XPO4: variants seen among roughly 807,000 people sequenced by gnomAD.
The protein encoded by XPO4 is exportin-4.
Under a neutral mutation model 143.0 loss-of-function variants are expected in XPO4, and 39 were observed. The ratio of observed to expected loss-of-function variants is 0.27; its 90% CI spans 0.21 to 0.36. The LOEUF is 0.36. XPO4 is among the 10% of genes least tolerant of loss of function. XPO4 has a pLI of 1.00. For synonymous variants in XPO4, 439 were observed against 474.0 expected, an observed-to-expected ratio of 0.93 and a Z score of 0.96; for missense variants, 907 against 1,348.0, an observed-to-expected ratio of 0.67 and a Z score of 5.12.
intron 1 of XPO4, among the ~76,000 whole-genome samples, chr13:20,888,076 G>A (rs1200231568): frequency 6.6e-6 from 1 of 151,114 alleles, no homozygotes; most frequent in Non-Finnish European, 1.5e-5. Context: ...TCGGGAGGCT[G>A]AGGCAGGAGA....
chr13:20,848,067 T>C (rs2060045391), intron 4 of XPO4: 1 of 278,642 alleles, frequency 3.6e-6, no homozygotes. Context: ...CAGATCCCAA[T>C]GCTTGTTGAT....
chr13:20,852,154 T>C (rs2060095972), intron 4 of XPO4: 1 of 985,420 alleles, frequency 1.0e-6, no homozygotes, highest in Non-Finnish European at 1.2e-6. Flanking sequence ...ATCACCAAAC[T>C]AACAAGGGAA....
intron 2 of XPO4, chr13:20,863,065 C>T: frequency 7.9e-7 from 1 of 1,264,126 alleles, no homozygotes; most frequent in Non-Finnish European, 1.0e-6. Context: ...AATCACCGAT[C>T]ACAATTTTCA....
rs1051091763 is a variant in XPO4 at position 20,865,308 on chromosome 13, T to C, written c.176-2450A>G. ...CATGTGCCACCACACCGGCTAATTTTGTATTTTTAGTAGAGACAGGGTTTT... is the reference window on the plus strand; with the variant it reads ...CATGTGCCACCACACCGGCTAATTTCGTATTTTTAGTAGAGACAGGGTTTT... On this transcript the variant is annotated intron_variant, in intron 2 of 22. Transcript: ENST00000255305. 2.8e-5 allele frequency: 6 copies of C among 214,248 alleles called. No individual in the cohort carries two copies. In the East Asian group the frequency reaches 7.4e-4, roughly 26 times the overall value. 13.3% of individuals were successfully genotyped at this position (214,248 alleles called of 1,614,324 possible).
intron 18 of XPO4, among the ~76,000 whole-genome samples, chr13:20,792,919 C>A (rs1395851970): frequency 6.6e-6 from 1 of 151,838 alleles, no homozygotes; most frequent in Non-Finnish European, 1.5e-5. Context: ...TCCTGAGTAG[C>A]TGGGATTACA....
In XPO4 at chr13:20,824,025, C is replaced by T. The variant is rs780292758; in HGVS notation, c.841-1736G>A. 3.0e-4 allele frequency among the ~76,000 whole-genome samples: 45 copies of T among 152,328 alleles called. 1 individual carries two copies. Among genetic ancestry groups the T allele is most frequent in the Admixed American group, 1.1e-3 (17 of 15,294 alleles). The stretch of plus-strand genomic sequence containing the variant: ...GTGCTTATTTATGTATCATCTATGG[C>T]TGCTTCTGTACTACAATGGCAGTGT... On this transcript the variant is annotated intron_variant, in intron 7 of 22. Coordinates refer to ENST00000255305, the MANE Select transcript of XPO4 (RefSeq NM_022459.5).
At chr13:20,855,181 C>T (rs925333242) in intron 4 of XPO4, among the ~76,000 whole-genome samples, 5 of 152,054 alleles carry the variant, frequency 3.3e-5, no homozygotes, top group Non-Finnish European at 7.4e-5. Flanking sequence ...CTAGGCCAGG[C>T]GCAGTGGCTC....
intron 2 of XPO4, chr13:20,866,188 A>G: frequency 1.0e-6 from 1 of 985,428 alleles, no homozygotes; most frequent in Non-Finnish European, 1.2e-6. Flanking sequence ...AAGAAGTCTA[A>G]AAGTGCTCTT....
chr13:20,836,097 G>A (rs561850126), intron 6 of XPO4, among the ~76,000 whole-genome samples: 28 of 152,210 alleles, frequency 1.8e-4, no homozygotes, highest in African/African-American at 6.7e-4. Context: ...AACGTTCTGG[G>A]GAGTAAAAAG....
chr13:20,822,256 C>T lies in XPO4; in HGVS notation c.874G>A (p.Ala292Thr). 6.2e-7 allele frequency: 1 copy of T among 1,612,994 alleles called. No individual in the cohort carries two copies. The highest frequency in any genetic ancestry group is 8.5e-7 in the Non-Finnish European group (1 of 1,179,586). Reference sequence around the variant, plus strand: ...GCAAGGCACTGCAGAGAATCTTGTGCCATATCTGAATCTTCTCTGATTTTT... The same window carrying T: ...GCAAGGCACTGCAGAGAATCTTGTGTCATATCTGAATCTTCTCTGATTTTT... ...HRKIREDSDM[A>T]QDSLQCLAQL... Residue 292 changes from alanine (A) to threonine (T), a missense_variant, in exon 8 of 23, where the codon GCA becomes ACA. Ala to Thr is a moderately conservative substitution (Grantham distance 58). Coordinates refer to ENST00000255305, the MANE Select transcript of XPO4 (RefSeq NM_022459.5).
chr13:20,827,115 G>A lies in XPO4; in HGVS notation c.792C>T (p.Ser264=), dbSNP rs777436195. The part of the protein sequence containing the change: ...SQNVLLKPTE[S]WRETLLDSRV... ...TGCTGTCCAGAAGAGTCTCCCGCCAGGACTCTGTTGGCTTCAACAGCACAT... is the reference window on the plus strand; with the variant it reads ...TGCTGTCCAGAAGAGTCTCCCGCCAAGACTCTGTTGGCTTCAACAGCACAT... The change falls in exon 7 of 23, where the codon TCC becomes TCT. Residue 264 remains serine, a synonymous_variant. Transcript: ENST00000255305. 2.5e-6 allele frequency: 4 copies of A among 1,613,836 alleles called. No homozygotes were observed. The African/African-American group carries it at 5.3e-5, about 22-fold the overall frequency.
intron 15 of XPO4, 26 bp downstream of exon 15, chr13:20,800,130 C>G: frequency 6.2e-7 from 1 of 1,613,166 alleles, no homozygotes; most frequent in Non-Finnish European, 8.5e-7. Context: ...CATACACACA[C>G]AGTCAGCCTC....
chr13:20,810,834 T>C (rs1017735182), intron 9 of XPO4, among the ~76,000 whole-genome samples: 3 of 152,246 alleles, frequency 2.0e-5, no homozygotes, highest in Admixed American at 1.3e-4. Flanking sequence ...TTGTTTAGCT[T>C]GTAATCCTAA....
At position 20,777,528 on chromosome 13, in the gene XPO4, GCTTTA is replaced by G. The variant is rs1196192184; in HGVS notation, c.*6189_*6193del. On this transcript the variant is annotated 3_prime_UTR_variant, in exon 23 of 23. Coordinates refer to ENST00000255305, the MANE Select transcript of XPO4 (RefSeq NM_022459.5). ...ACCCTGCAGTCTACCAGTTCAAGTA[GCTTTA>G]CCAGGTCAGTCCTTAGAAATAACCA... The G allele has an allele frequency of 6.6e-6, 1 of 152,180 alleles. No homozygotes were observed. The highest frequency in any genetic ancestry group is 2.4e-5 in the African/African-American group (1 of 41,444). The allele number at this position is 152,180 out of a possible 1,614,324, so 9.4% of individuals were successfully genotyped here.
At chr13:20,884,950 GTTTGTTTT>G (rs1390644947) in intron 1 of XPO4, among the ~76,000 whole-genome samples, 1 of 151,902 alleles carries the variant, frequency 6.6e-6, no homozygotes, top group African/African-American at 2.4e-5. Context: ...GGTTTTTTTG[GTTTGTTTT>G]TTTGTTTGTT....
intron 9 of XPO4, among the ~76,000 whole-genome samples, chr13:20,817,620 G>A (rs1039583765): frequency 6.6e-6 from 1 of 152,136 alleles, no homozygotes; most frequent in African/African-American, 2.4e-5. Flanking sequence ...ATACTGCACA[G>A]CTTCACCTAC....
At chr13:20,799,092 T>C (rs2059398311) in intron 16 of XPO4, 73 bp downstream of exon 16, 1 of 1,371,552 alleles carries the variant, frequency 7.3e-7, no homozygotes, top group Non-Finnish European at 9.8e-7. Context: ...CCAGAGACTC[T>C]TACGGCAACG....
At chr13:20,819,247 C>G (rs1278421035) in intron 9 of XPO4, among the ~76,000 whole-genome samples, 1 of 152,256 alleles carries the variant, frequency 6.6e-6, no homozygotes, top group Non-Finnish European at 1.5e-5. Flanking sequence ...AACTCTTGCT[C>G]TTCATGACTG....
intron 4 of XPO4, chr13:20,850,880 G>C (rs975492354): frequency 1.0e-6 from 1 of 985,236 alleles, no homozygotes; most frequent in African/African-American, 1.7e-5. Context: ...TCTAGAAGAG[G>C]TGTGAGGGGA....
Sources: allele counts gnomAD v4.1 joint callset (sites outside exome capture counted in the v4.1 genomes callset), GRCh38; gene constraint gnomAD v4.1.1; transcripts MANE v1.5; gene names NCBI Gene and HGNC (gene_info 2026-07-23, HGNC 2026-07-21).